The following CDH12 variants were observed in gnomAD, a reference collection of about 807,000 sequenced individuals.
CDH12 encodes the protein cadherin-12.
In CDH12, 41 loss-of-function variants were observed where a neutral mutation model predicts 74.1. The observed-to-expected ratio is 0.55, with a 90% CI of 0.43 to 0.72. The LOEUF (loss-of-function observed/expected upper bound fraction) is 0.72. Ranked by LOEUF, CDH12 falls within the 30% of genes least tolerant of loss-of-function variation. The pLI, the probability that CDH12 is intolerant of heterozygous loss-of-function variation, is 0.00. For missense variants in CDH12, 945 were observed against 977.2 expected (o/e 0.97, Z 0.44); for synonymous variants, 399 against 355.0 (o/e 1.12, Z -1.39).
At chr5:22,211,046 A>G (rs1268769582) in intron 4 of CDH12, among the ~76,000 whole-genome samples, 6 of 152,208 alleles carry the variant, frequency 3.9e-5, no homozygotes. Context: ...CCTTGAAAAT[A>G]GTTTACTCCT....
chr5:22,387,659 G>T (rs568933651), intron 3 of CDH12, among the ~76,000 whole-genome samples: 1 of 152,134 alleles, frequency 6.6e-6, no homozygotes, highest in Non-Finnish European at 1.5e-5. Flanking sequence ...CTGGATTTAA[G>T]CAGGAATTTA....
At chr5:22,069,643 C>A (rs1367695044) in intron 5 of CDH12, among the ~76,000 whole-genome samples, 2 of 152,112 alleles carry the variant, frequency 1.3e-5, no homozygotes, top group African/African-American at 4.8e-5. Flanking sequence ...TGCCACCCAG[C>A]CTCTCTGAGT....
intron 3 of CDH12, among the ~76,000 whole-genome samples, chr5:22,273,335 GC>G (rs1736489796): frequency 6.6e-6 from 1 of 152,194 alleles, no homozygotes; most frequent in Non-Finnish European, 1.5e-5. Context: ...GAAATATGGT[GC>G]TGATAGGCCT....
In CDH12 at chr5:22,078,690, C is replaced by T; in HGVS notation, c.-14G>A. 1 of 1,611,832 alleles carries T rather than the reference C, an allele frequency of 6.2e-7. No homozygotes were observed. Among genetic ancestry groups the T allele is most frequent in the African/African-American group, 1.3e-5 (1 of 74,898 alleles). On this transcript the variant is annotated 5_prime_UTR_variant, in exon 5 of 15. Transcript: ENST00000382254. ...CCTTGTAAGCATTGGCAAAGGCTTT[C>T]CTACAGCAGAGTAATAAAAACTCCA... is the stretch of plus-strand genomic sequence containing the variant.
chr5:21,912,188 T>G (rs1753886225), intron 6 of CDH12, among the ~76,000 whole-genome samples: 1 of 152,164 alleles, frequency 6.6e-6, no homozygotes, highest in Non-Finnish European at 1.5e-5. Context: ...TTTTGACACT[T>G]TTGATCTTAG....
At chr5:22,305,002 G>A (rs1305540869) in intron 3 of CDH12, among the ~76,000 whole-genome samples, 4 of 152,226 alleles carry the variant, frequency 2.6e-5, no homozygotes. Context: ...ATATTCAAAT[G>A]CCAAGCAATA....
rs567482258 is a variant in CDH12 at position 21,962,956 on chromosome 5, G to A, written c.526+12135C>T. Among the ~76,000 whole-genome samples, 40 of 152,134 alleles carry A rather than the reference G, an allele frequency of 2.6e-4. 1 individual carries two copies. In the South Asian group the frequency reaches 5.6e-3, roughly 21 times the overall value. On this transcript the variant is annotated intron_variant, in intron 6 of 14. Coordinates refer to ENST00000382254, the MANE Select transcript of CDH12 (RefSeq NM_004061.5). Reference sequence around the variant, plus strand: ...GCTCAGGTATAGAGCAGCTTTTGACGAAATTGGTGCCAAACACTTATTCTG... The same window carrying A: ...GCTCAGGTATAGAGCAGCTTTTGACAAAATTGGTGCCAAACACTTATTCTG...
intron 4 of CDH12, among the ~76,000 whole-genome samples, chr5:22,198,590 A>G (rs1750753924): frequency 6.6e-6 from 1 of 152,068 alleles, no homozygotes; most frequent in Non-Finnish European, 1.5e-5. Context: ...TCAGATTGAG[A>G]TGAGTAACTC....
intron 1 of CDH12, among the ~76,000 whole-genome samples, chr5:22,734,987 C>T (rs1299440305): frequency 6.6e-6 from 1 of 151,788 alleles, no homozygotes; most frequent in African/African-American, 2.4e-5. Context: ...CCTTCTTGGC[C>T]ATCTATGCTC....
intron 6 of CDH12, among the ~76,000 whole-genome samples, chr5:21,951,729 A>T (rs1755870121): frequency 6.6e-6 from 1 of 152,250 alleles, no homozygotes; most frequent in Admixed American, 6.5e-5. Context: ...CATTTCCTTG[A>T]CAATGGAAGA....
At chr5:22,148,857 A>G (rs1747383251) in intron 4 of CDH12, among the ~76,000 whole-genome samples, 1 of 152,216 alleles carries the variant, frequency 6.6e-6, no homozygotes, top group Admixed American at 6.5e-5. Flanking sequence ...ATGGTGGCTC[A>G]TGCCTGTAAT....
intron 8 of CDH12, among the ~76,000 whole-genome samples, chr5:21,819,705 A>G (rs1748258457): frequency 1.3e-5 from 2 of 152,052 alleles, no homozygotes. Context: ...TATCAAGGAA[A>G]TAACTGAACA....
intron 1 of CDH12, among the ~76,000 whole-genome samples, chr5:22,657,038 A>G (rs1740078355): frequency 1.3e-5 from 2 of 152,102 alleles, no homozygotes; most frequent in South Asian, 4.1e-4. Flanking sequence ...ATGAGCCACC[A>G]TGCCTGCCCA....
intron 3 of CDH12, among the ~76,000 whole-genome samples, chr5:22,387,563 A>T (rs1742051703): frequency 6.6e-6 from 1 of 152,176 alleles, no homozygotes; most frequent in Non-Finnish European, 1.5e-5. Context: ...TGCTGTCTAC[A>T]TACAGAATAT....
At chr5:22,570,577 G>A (rs1203160159) in intron 1 of CDH12, among the ~76,000 whole-genome samples, 1 of 152,068 alleles carries the variant, frequency 6.6e-6, no homozygotes, top group African/African-American at 2.4e-5. Flanking sequence ...AACATACTCA[G>A]TAAACCATGC....
intron 6 of CDH12, among the ~76,000 whole-genome samples, chr5:21,966,157 C>T (rs3950909): frequency 4.7e-5 from 6 of 128,288 alleles, no homozygotes; most frequent in African/African-American, 1.0e-4. Context: ...TCTATTTTTA[C>T]GTTTTTTTTT....
intron 4 of CDH12, chr5:22,142,645 G>C (rs1411659372): frequency 2.5e-6 from 1 of 399,140 alleles, no homozygotes; most frequent in Non-Finnish European, 4.7e-6. Flanking sequence ...CTGAGTTTAA[G>C]CAAATTTGGA....
At chr5:21,883,895 C>T in intron 6 of CDH12, 1 of 1,606,092 alleles carries the variant, frequency 6.2e-7, no homozygotes, top group East Asian at 2.2e-5. Context: ...TTGAAGGAGG[C>T]ATTGTTTTGG....
chr5:21,869,351 G>T (rs1319486873), intron 6 of CDH12, among the ~76,000 whole-genome samples: 1 of 152,164 alleles, frequency 6.6e-6, no homozygotes, highest in Non-Finnish European at 1.5e-5. Flanking sequence ...ACCATGAACA[G>T]CTGATGTACT....
Sources: allele counts gnomAD v4.1 joint callset (sites outside exome capture counted in the v4.1 genomes callset), GRCh38; gene constraint gnomAD v4.1.1; transcripts MANE v1.5; gene names NCBI Gene and HGNC (gene_info 2026-07-23, HGNC 2026-07-21).